The following LOXL2 variants were observed in gnomAD, a reference collection of about 807,000 sequenced individuals.
LOXL2 encodes the protein lysyl oxidase homolog 2.
Under a neutral mutation model 93.0 loss-of-function variants are expected in LOXL2, and 70 were observed. That is an observed-to-expected ratio of 0.75 (90% CI 0.62 to 0.92). LOXL2 has a LOEUF of 0.92. Among genes scored for constraint, LOXL2 ranks in the 40% least tolerant of loss-of-function variants. LOXL2 has a pLI of 0.00. For synonymous variants in LOXL2, 438 were observed against 413.2 expected, an observed-to-expected ratio of 1.06 and a Z score of -0.73; for missense variants, 973 against 1,054.9, an observed-to-expected ratio of 0.92 and a Z score of 1.08.
At chr8:23,398,891 C>T (rs140687269) in intron 1 of LOXL2, among the ~76,000 whole-genome samples, 7 of 152,182 alleles carry the variant, frequency 4.6e-5, no homozygotes, top group South Asian at 2.1e-4. Flanking sequence ...ACGTCCCTGA[C>T]GCTGGTCACG....
intron 3 of LOXL2, among the ~76,000 whole-genome samples, chr8:23,343,614 C>T (rs1803922572): frequency 6.6e-6 from 1 of 152,240 alleles, no homozygotes; most frequent in African/African-American, 2.4e-5. Flanking sequence ...GGTCCACAGC[C>T]AGGCCCTACT....
chr8:23,344,436 C>G (rs1803935285), intron 3 of LOXL2, among the ~76,000 whole-genome samples: 1 of 151,404 alleles, frequency 6.6e-6, no homozygotes, highest in Non-Finnish European at 1.5e-5. Flanking sequence ...GTGGTGTGTG[C>G]TTGATGGTCT....
At chr8:23,303,516 T>C in intron 10 of LOXL2, 119 bp from the exon 11 acceptor site, 1 of 655,798 alleles carries the variant, frequency 1.5e-6, no homozygotes, top group South Asian at 1.7e-5. Flanking sequence ...GGGGGCCGGG[T>C]GGGGAGAGGA....
intron 6 of LOXL2, among the ~76,000 whole-genome samples, chr8:23,326,031 C>T (rs10098265): frequency 0.088 from 13,466 of 152,326 alleles, 1,588 homozygotes; most frequent in African/African-American, 0.27. Context: ...GCCCGACTCA[C>T]AGTCATTGCC....
At chr8:23,320,341 G>A (rs1443078086) in intron 7 of LOXL2, among the ~76,000 whole-genome samples, 3 of 152,212 alleles carry the variant, frequency 2.0e-5, no homozygotes, top group Non-Finnish European at 4.4e-5. Flanking sequence ...GTGGGGGGCT[G>A]CTCTTTGGGA....
chr8:23,362,415 A>T (rs749635721), intron 2 of LOXL2, among the ~76,000 whole-genome samples: 1 of 152,238 alleles, frequency 6.6e-6, no homozygotes, highest in Non-Finnish European at 1.5e-5. Context: ...GAATATACTT[A>T]ACACTACTGA....
chr8:23,356,131 C>G (rs1051525006), intron 3 of LOXL2, among the ~76,000 whole-genome samples: 4 of 152,132 alleles, frequency 2.6e-5, no homozygotes, highest in Non-Finnish European at 5.9e-5. Context: ...TAGATTTTAT[C>G]AGTATACCTT....
chr8:23,324,012 TTTC>T (rs1803540248), intron 6 of LOXL2, among the ~76,000 whole-genome samples: 1 of 152,206 alleles, frequency 6.6e-6, no homozygotes, highest in African/African-American at 2.4e-5. Context: ...ATTAAGGTTA[TTTC>T]TTATTTCTGC....
At chr8:23,372,752 T>C (rs1001849347) in intron 1 of LOXL2, among the ~76,000 whole-genome samples, 1 of 152,142 alleles carries the variant, frequency 6.6e-6, no homozygotes, top group Non-Finnish European at 1.5e-5. Flanking sequence ...AAAAGAAATA[T>C]TGATAGAACT....
At chr8:23,378,038 T>C (rs1386491952) in intron 1 of LOXL2, among the ~76,000 whole-genome samples, 1 of 152,230 alleles carries the variant, frequency 6.6e-6, no homozygotes, top group Non-Finnish European at 1.5e-5. Flanking sequence ...CTAGCATCAA[T>C]GGTCTTTACA....
At chr8:23,382,621 C>G (rs968550921) in intron 1 of LOXL2, 21 of 152,084 alleles carry the variant, frequency 1.4e-4, no homozygotes, top group African/African-American at 5.1e-4. Context: ...GGTGGGAGCC[C>G]TATTCTGGGC....
At chr8:23,400,553 A>G (rs1800141926) in intron 1 of LOXL2, among the ~76,000 whole-genome samples, 2 of 152,206 alleles carry the variant, frequency 1.3e-5, no homozygotes, top group East Asian at 1.9e-4. Context: ...CAGGTGTTGC[A>G]TATCTTCATT....
chr8:23,309,643 G>C, intron 10 of LOXL2, 25 bp downstream of exon 10: 1 of 1,411,140 alleles, frequency 7.1e-7, no homozygotes. Context: ...GCAGCTTAGT[G>C]GGGAGGGTGG....
chr8:23,354,553 A>C (rs1171714160), intron 3 of LOXL2, among the ~76,000 whole-genome samples: 1 of 151,442 alleles, frequency 6.6e-6, no homozygotes, highest in Non-Finnish European at 1.5e-5. Context: ...AGAGAACCCA[A>C]GCACACAATA....
chr8:23,352,669 TCA>T (rs1804113736), intron 3 of LOXL2, among the ~76,000 whole-genome samples: 1 of 152,022 alleles, frequency 6.6e-6, no homozygotes, highest in Non-Finnish European at 1.5e-5. Context: ...CACAGCAGCC[TCA>T]GTCTCTGTGG....
intron 4 of LOXL2, among the ~76,000 whole-genome samples, chr8:23,339,876 G>A (rs770124379): frequency 6.6e-6 from 1 of 152,186 alleles, no homozygotes; most frequent in Non-Finnish European, 1.5e-5. Flanking sequence ...TGAGGGGCTG[G>A]GGGCTGGGAC....
In LOXL2 at chr8:23,333,389, C is replaced by T; in HGVS notation, c.966+12G>A. ...AGGTGCCAAGTGGCCACACCTCGTG[C>T]CCCGTCCTCACCTCTGGCTTGTACG... On this transcript the variant is annotated intron_variant, in intron 5 of 13. Transcript: ENST00000389131. 6.2e-7 allele frequency: 1 copy of T among 1,612,542 alleles called. No homozygotes were observed.
chr8:23,347,546 A>C (rs1804014860), intron 3 of LOXL2, among the ~76,000 whole-genome samples: 1 of 152,194 alleles, frequency 6.6e-6, no homozygotes, highest in African/African-American at 2.4e-5. Context: ...GCTACTTGGG[A>C]GGCTGAGGCA....
In LOXL2 at chr8:23,349,209, G is replaced by A. The variant is rs73547659; in HGVS notation, c.532-8006C>T. ...AACATAAGAAGGGCGTGATAATGTCGTCATCTCACCTAGGCCTGTGCTGTC... is the reference window on the plus strand; with the variant it reads ...AACATAAGAAGGGCGTGATAATGTCATCATCTCACCTAGGCCTGTGCTGTC... On this transcript the variant is annotated intron_variant, in intron 3 of 13. Coordinates refer to ENST00000389131, the MANE Select transcript of LOXL2 (RefSeq NM_002318.3). Among the ~76,000 whole-genome samples, 1,174 of 152,224 alleles carry A rather than the reference G, an allele frequency of 7.7e-3. 16 individuals are homozygous for A. Among genetic ancestry groups the A allele is most frequent in the African/African-American group, 0.027 (1,131 of 41,514 alleles).
Sources: allele counts gnomAD v4.1 joint callset (sites outside exome capture counted in the v4.1 genomes callset), GRCh38; gene constraint gnomAD v4.1.1; transcripts MANE v1.5; gene names NCBI Gene and HGNC (gene_info 2026-07-23, HGNC 2026-07-21).